The following DIP2C variants were observed in gnomAD, a reference collection of about 807,000 sequenced individuals.
DIP2C encodes the protein DIP2 acetate--CoA ligase C (putative).
A neutral mutation model predicts 192.4 loss-of-function variants in DIP2C; 33 were observed. That is an observed-to-expected ratio of 0.17 (90% CI 0.13 to 0.23). The LOEUF is 0.23. DIP2C is among the 10% of genes least tolerant of loss of function. The pLI, the probability that DIP2C is intolerant of heterozygous loss-of-function variation, is 1.00. For synonymous variants in DIP2C, 979 were observed against 864.1 expected (o/e 1.13, Z -2.33); for missense variants, 1,537 against 2,110.1 (o/e 0.73, Z 5.32).
intron 1 of DIP2C, among the ~76,000 whole-genome samples, chr10:526,978 T>G (rs1300092377): frequency 6.6e-6 from 1 of 152,148 alleles, no homozygotes; most frequent in East Asian, 1.9e-4. Flanking sequence ...TTGCGACACC[T>G]ATAGGCCTCA....
At chr10:561,328 A>AT (rs1273361471) in intron 1 of DIP2C, among the ~76,000 whole-genome samples, 2 of 152,126 alleles carry the variant, frequency 1.3e-5, no homozygotes, top group Non-Finnish European at 2.9e-5. Flanking sequence ...GGAGGCAGCA[A>AT]TTGCCCACTG....
intron 1 of DIP2C, among the ~76,000 whole-genome samples, chr10:491,505 G>T (rs751993056): frequency 3.3e-5 from 5 of 152,184 alleles, no homozygotes; most frequent in Admixed American, 6.5e-5. Context: ...CTGCAGACCG[G>T]TGACAGCTCC....
chr10:477,914 A>G (rs971537748), intron 2 of DIP2C, among the ~76,000 whole-genome samples: 1 of 121,442 alleles, frequency 8.2e-6, no homozygotes, highest in African/African-American at 3.3e-5. Context: ...GGGAAAGAAA[A>G]GACAGGAAAA....
chr10:287,331 G>A (rs1227990000), intron 33 of DIP2C, among the ~76,000 whole-genome samples: 1 of 152,066 alleles, frequency 6.6e-6, no homozygotes, highest in African/African-American at 2.4e-5. Context: ...GGTTTATTCT[G>A]GAAATCCTGA....
intron 18 of DIP2C, among the ~76,000 whole-genome samples, chr10:367,500 C>T (rs7074221): frequency 0.45 from 68,141 of 151,790 alleles, 17,864 homozygotes; most frequent in South Asian, 0.65. Context: ...AGTCAGGTAA[C>T]ACGGTGGGTA....
At chr10:316,826 G>C (rs932913480) in intron 31 of DIP2C, among the ~76,000 whole-genome samples, 1 of 152,178 alleles carries the variant, frequency 6.6e-6, no homozygotes, top group Non-Finnish European at 1.5e-5. Context: ...TTTTTAAAAA[G>C]TTCAGAAACT....
chr10:558,753 G>A lies in DIP2C; in HGVS notation c.86-72223C>T, dbSNP rs927374319. ...GGGAATCACCAATAATTCCCATCTC[G>A]CCATCAATTATTTCTGGTAAATATT... On this transcript the variant is annotated intron_variant, in intron 1 of 36. Transcript: ENST00000280886. Among the ~76,000 whole-genome samples, 8 of 152,134 alleles carry A rather than the reference G, an allele frequency of 5.3e-5. No homozygotes were observed. In the East Asian group the frequency reaches 9.6e-4, roughly 18 times the overall value.
intron 2 of DIP2C, among the ~76,000 whole-genome samples, chr10:475,032 C>T (rs893307420): frequency 6.6e-6 from 1 of 152,184 alleles, no homozygotes; most frequent in Non-Finnish European, 1.5e-5. Flanking sequence ...GGGGCTGTTT[C>T]GTTTGCCCGA....
intron 1 of DIP2C, among the ~76,000 whole-genome samples, chr10:605,738 G>A (rs987980313): frequency 2.0e-5 from 3 of 152,178 alleles, no homozygotes; most frequent in African/African-American, 4.8e-5. Flanking sequence ...CCAGCCACCA[G>A]GATAACATAA....
At chr10:567,638 A>G (rs996382277) in intron 1 of DIP2C, among the ~76,000 whole-genome samples, 2 of 152,144 alleles carry the variant, frequency 1.3e-5, no homozygotes, top group African/African-American at 4.8e-5. Context: ...CATGACATAG[A>G]AAAGTTTGGT....
intron 1 of DIP2C, among the ~76,000 whole-genome samples, chr10:580,707 C>T (rs763560167): frequency 3.9e-5 from 6 of 152,090 alleles, no homozygotes; most frequent in South Asian, 2.1e-4. Flanking sequence ...ATTAACGCTG[C>T]AGAAAGGCTT....
intron 31 of DIP2C, among the ~76,000 whole-genome samples, chr10:316,911 CTT>C (rs945445418): frequency 2.6e-5 from 4 of 152,182 alleles, no homozygotes; most frequent in African/African-American, 9.7e-5. Context: ...ATACAGGTCT[CTT>C]TTCTCCTAGG....
At chr10:590,212 G>A (rs1018539933) in intron 1 of DIP2C, among the ~76,000 whole-genome samples, 12 of 152,240 alleles carry the variant, frequency 7.9e-5, no homozygotes, top group Admixed American at 7.2e-4. Context: ...AGGCTCGAAT[G>A]TCAGGCCAGG....
intron 1 of DIP2C, among the ~76,000 whole-genome samples, chr10:660,367 A>T (rs542954282): frequency 2.0e-5 from 3 of 150,814 alleles, no homozygotes; most frequent in Non-Finnish European, 4.4e-5. Flanking sequence ...CCCTGTTTCA[A>T]GTTCTGTGTA....
intron 3 of DIP2C, among the ~76,000 whole-genome samples, chr10:464,617 T>TC (rs1970061182): frequency 6.6e-6 from 1 of 152,172 alleles, no homozygotes; most frequent in Non-Finnish European, 1.5e-5. Flanking sequence ...GATCAAGCAA[T>TC]CCCATTACTG....
At chr10:368,715 G>C (rs961541311) in intron 18 of DIP2C, among the ~76,000 whole-genome samples, 1 of 152,234 alleles carries the variant, frequency 6.6e-6, no homozygotes, top group Non-Finnish European at 1.5e-5. Context: ...TGCTGCTGAA[G>C]GCGGCAGCAC....
chr10:299,692 G>A (rs536980469), intron 32 of DIP2C, among the ~76,000 whole-genome samples: 31 of 152,188 alleles, frequency 2.0e-4, no homozygotes, highest in Admixed American at 9.2e-4. Context: ...CAGAATCAGC[G>A]GAGTGAAAAC....
At chr10:382,459 T>C (rs1019614242) in intron 17 of DIP2C, 188 bp downstream of exon 17, 2 of 524,446 alleles carry the variant, frequency 3.8e-6, no homozygotes, top group Admixed American at 3.5e-5. Context: ...TGTTTTTTAA[T>C]GAATGAATCT....
chr10:648,899 G>C (rs1331847040), intron 1 of DIP2C, among the ~76,000 whole-genome samples: 5 of 148,986 alleles, frequency 3.4e-5, no homozygotes, highest in African/African-American at 1.2e-4. Context: ...GAGAACAGAG[G>C]GAAACTGAGT....
Sources: gnomAD v4.1 joint callset for allele counts (sites outside exome capture counted in the v4.1 genomes callset) on GRCh38, gnomAD v4.1.1 for gene constraint, MANE v1.5 for transcripts, NCBI Gene and HGNC (gene_info 2026-07-23, HGNC 2026-07-21) for gene names.